The following SLC9D1 variants were observed in gnomAD, a reference collection of about 807,000 sequenced individuals.
SLC9D1 encodes the protein putative LAG1-interacting protein.
At chr13:113,495,800 T>G in the SLC9D1 span, 1 of 1,614,030 alleles carries the variant, frequency 6.2e-7, no homozygotes, top group South Asian at 1.1e-5. Context: ...AACTGAAAAC[T>G]GCAATTGGAG....
chr13:113,526,801 C>T, the SLC9D1 span, among the ~76,000 whole-genome samples: 6 of 152,228 alleles, frequency 3.9e-5, no homozygotes, highest in Admixed American at 3.9e-4. Context: ...ATTCACTCAC[C>T]CTCACTCCCT....
chr13:113,515,221 TAATC>T, the SLC9D1 span, among the ~76,000 whole-genome samples: 4 of 152,240 alleles, frequency 2.6e-5, no homozygotes, highest in South Asian at 2.1e-4. Context: ...AGCAAAAAAT[TAATC>T]AACTGAATAT....
the SLC9D1 span, chr13:113,511,775 G>C: frequency 2.0e-5 from 3 of 152,288 alleles, no homozygotes; most frequent in African/African-American, 7.2e-5. Flanking sequence ...CCCGCACACG[G>C]GACACCCACA....
chr13:113,534,005 T>G, the SLC9D1 span: 2 of 1,462,796 alleles, frequency 1.4e-6, no homozygotes, highest in Non-Finnish European at 9.4e-7. Context: ...TAGAGAACTG[T>G]GTTTTGGAAG....
chr13:113,538,229 C>A, the SLC9D1 span, among the ~76,000 whole-genome samples: 1 of 89,010 alleles, frequency 1.1e-5, no homozygotes, highest in Admixed American at 1.3e-4. Context: ...TACATATGTG[C>A]TTTGTGTGGT....
the SLC9D1 span, among the ~76,000 whole-genome samples, chr13:113,540,061 C>T: frequency 2.0e-5 from 3 of 152,172 alleles, no homozygotes; most frequent in Non-Finnish European, 4.4e-5. Context: ...CATTCTGTTA[C>T]GGTTGCGTAA....
chr13:113,503,655 C>G, the SLC9D1 span: 6 of 912,362 alleles, frequency 6.6e-6, 1 homozygote, highest in South Asian at 7.2e-5. Context: ...GGTTCATACA[C>G]TTTTAACACT....
chr13:113,531,169 G>T, the SLC9D1 span, among the ~76,000 whole-genome samples: 1 of 152,280 alleles, frequency 6.6e-6, no homozygotes, highest in African/African-American at 2.4e-5. Flanking sequence ...CGTGGAGTCA[G>T]TGTGAGAACC....
the SLC9D1 span, chr13:113,549,635 C>T: frequency 7.0e-7 from 1 of 1,421,102 alleles, no homozygotes. Context: ...CGCACCTTGG[C>T]AACAGAACAG....
At chr13:113,534,528 C>T in the SLC9D1 span, 3 of 446,412 alleles carry the variant, frequency 6.7e-6, no homozygotes, top group South Asian at 3.8e-5. Context: ...GTGGCTCACA[C>T]CTGTAGTCCT....
chr13:113,521,471 G>A, the SLC9D1 span, among the ~76,000 whole-genome samples: 1 of 151,246 alleles, frequency 6.6e-6, no homozygotes, highest in Admixed American at 6.6e-5. Flanking sequence ...GGGTATCCAC[G>A]TGTGCATATG....
the SLC9D1 span, among the ~76,000 whole-genome samples, chr13:113,520,378 G>A: frequency 6.6e-6 from 1 of 151,646 alleles, no homozygotes; most frequent in African/African-American, 2.4e-5. Flanking sequence ...CAGCTACTCA[G>A]GAGGCTAAGG....
chr13:113,545,916 G>A, the SLC9D1 span: 1 of 152,354 alleles, frequency 6.6e-6, no homozygotes, highest in Non-Finnish European at 1.5e-5. Flanking sequence ...TGGGAAGGAA[G>A]CCTGGAATCT....
chr13:113,496,670 A>G, the SLC9D1 span, among the ~76,000 whole-genome samples: 23 of 152,370 alleles, frequency 1.5e-4, no homozygotes, highest in East Asian at 3.9e-3. Context: ...CGTCATCTTC[A>G]TAGAAAAACC....
At chr13:113,539,925 G>C in the SLC9D1 span, among the ~76,000 whole-genome samples, 1 of 152,100 alleles carries the variant, frequency 6.6e-6, no homozygotes, top group African/African-American at 2.4e-5. This position sits in a 1 kb window ranked among gnomAD's most constrained non-coding sequence, Gnocchi z 4.8. Flanking sequence ...TTGTGTCCAC[G>C]TGTACTCGGT....
chr13:113,525,629 GTGCCT>G, the SLC9D1 span, among the ~76,000 whole-genome samples: 2 of 108,510 alleles, frequency 1.8e-5, no homozygotes, highest in African/African-American at 4.8e-5. Context: ...CGACAGCTCT[GTGCCT>G]GTTATTCTAG....
chr13:113,513,949 G>A, the SLC9D1 span, among the ~76,000 whole-genome samples: 7 of 152,174 alleles, frequency 4.6e-5, no homozygotes, highest in East Asian at 5.8e-4. Context: ...AGATGGAGCC[G>A]GGGGGTCGGG....
chr13:113,532,090 GGCACACAGTGCTCT>G, the SLC9D1 span, among the ~76,000 whole-genome samples: 74 of 152,322 alleles, frequency 4.9e-4, no homozygotes, highest in African/African-American at 1.5e-3. Flanking sequence ...CATAATAGGT[GGCACACAGTGCTCT>G]GCACACAGTG....
At chr13:113,531,525 C>T in the SLC9D1 span, among the ~76,000 whole-genome samples, 3 of 145,290 alleles carry the variant, frequency 2.1e-5, no homozygotes, top group South Asian at 2.2e-4. Context: ...GCGCCCCGTA[C>T]GTGCAGATCA....
Sources: allele counts gnomAD v4.1 joint callset (sites outside exome capture counted in the v4.1 genomes callset), GRCh38; gene constraint gnomAD v4.1.1; non-coding constraint Gnocchi (gnomAD v3.1); transcripts MANE v1.5; gene names NCBI Gene and HGNC (gene_info 2026-07-23, HGNC 2026-07-21).